The following LPIN2 variants were observed in gnomAD, a reference collection of about 807,000 sequenced individuals.
LPIN2 encodes lipin 2, also known as phosphatidate phosphatase LPIN2.
Under a neutral mutation model 111.4 loss-of-function variants are expected in LPIN2, and 55 were observed. The ratio of observed to expected loss-of-function variants is 0.49; its 90% CI spans 0.40 to 0.62. The LOEUF is 0.62. Among genes scored for constraint, LPIN2 ranks in the 20% least tolerant of loss-of-function variants. The probability of loss-of-function intolerance (pLI) is 0.00; values close to 1 mark genes in which losing one functional copy is unlikely to be tolerated. For synonymous variants in LPIN2, 425 were observed against 414.0 expected (o/e 1.03, Z -0.32); for missense variants, 992 against 1,112.1 (o/e 0.89, Z 1.54).
chr18:2,976,760 A>G (rs544192481), intron 1 of LPIN2, among the ~76,000 whole-genome samples: 3 of 152,364 alleles, frequency 2.0e-5, no homozygotes, highest in Non-Finnish European at 2.9e-5. Flanking sequence ...TCTTTTTAGT[A>G]TAAGAAGAAA....
intron 4 of LPIN2, among the ~76,000 whole-genome samples, chr18:2,947,723 G>T (rs1290128366): frequency 6.6e-6 from 1 of 152,210 alleles, no homozygotes; most frequent in Admixed American, 6.5e-5. Flanking sequence ...TTTTCTAAGT[G>T]GTAGGAGCTG....
intron 1 of LPIN2, among the ~76,000 whole-genome samples, chr18:2,975,612 G>A (rs921258151): frequency 2.0e-5 from 3 of 152,120 alleles, no homozygotes; most frequent in African/African-American, 7.2e-5. Context: ...GGGATTCCAC[G>A]CCTAGCCAAG....
At chr18:2,920,956 C>CTG in intron 18 of LPIN2, 75 bp from the exon 19 acceptor site, 8 of 983,358 alleles carry the variant, frequency 8.1e-6, no homozygotes, top group Non-Finnish European at 1.3e-5. Context: ...CCTTGTGAGC[C>CTG]AGAAGCACTG....
chr18:2,937,568 AAAAG>A, intron 7 of LPIN2, 120 bp downstream of exon 7: 47 of 722,288 alleles, frequency 6.5e-5, no homozygotes, highest in African/African-American at 6.2e-4. Context: ...AAAAAAAAAA[AAAAG>A]TGCGACGGGT....
At position 2,934,455 on chromosome 18, in the gene LPIN2, T is replaced by A; in HGVS notation, c.1169-5A>T. On this transcript the variant is annotated splice_region_variant and splice_polypyrimidine_tract_variant and intron_variant, in intron 7 of 19. Coordinates refer to ENST00000677752, the MANE Select transcript of LPIN2 (RefSeq NM_001375808.2). ...GTTGGCTTCTTTTGTGAACACCTGT[T>A]TAAAAAAAAAATCAGAGGTAAGAAT... 6.3e-7 allele frequency: 1 copy of A among 1,593,104 alleles called. No individual in the cohort carries two copies. Among genetic ancestry groups the A allele is most frequent in the Non-Finnish European group, 8.6e-7 (1 of 1,161,378 alleles).
intron 1 of LPIN2, among the ~76,000 whole-genome samples, chr18:2,981,515 A>G (rs59302194): frequency 0.25 from 38,720 of 152,166 alleles, 5,042 homozygotes; most frequent in South Asian, 0.29. Flanking sequence ...GGGAGAGTTT[A>G]TGTGTGTTAG....
Position 2,925,351 on chromosome 18 carries a change from G to T in LPIN2, c.1811C>A (p.Ser604Tyr). 1 of 1,614,184 alleles carries T rather than the reference G, an allele frequency of 6.2e-7. No homozygotes were observed. The highest frequency in any genetic ancestry group is 8.5e-7 in the Non-Finnish European group (1 of 1,180,024). ...PAGARPAEND[S>Y]SSDEGSQELE... ...CTCCTGTGATCCCTCGTCACTCGAG[G>T]AGTCATTCTCGGCCGGCCTGTTCAA... Residue 604 changes from serine to tyrosine, a missense_variant, in exon 14 of 20, where the codon TCC becomes TAC. Transcript: ENST00000677752. This position sits in a 1 kb window ranked among gnomAD's most constrained non-coding sequence, Gnocchi z 4.1.
intron 2 of LPIN2, 105 bp from the exon 3 acceptor site, chr18:2,954,704 G>A (rs1008019134): frequency 1.2e-6 from 1 of 850,412 alleles, no homozygotes. Context: ...TAGTTTTGAG[G>A]TTCCTAGAAC....
intron 1 of LPIN2, among the ~76,000 whole-genome samples, chr18:2,984,279 G>A (rs548190525): frequency 1.3e-5 from 2 of 152,214 alleles, no homozygotes; most frequent in Admixed American, 6.5e-5. Flanking sequence ...GCATAGTATC[G>A]TGGACCTGCA....
At chr18:3,004,332 T>A (rs1231738404) in intron 1 of LPIN2, among the ~76,000 whole-genome samples, 4 of 152,182 alleles carry the variant, frequency 2.6e-5, no homozygotes, top group Non-Finnish European at 4.4e-5. Context: ...CTCGGGGTCA[T>A]CATTACGGTC....
chr18:2,994,964 T>C (rs1053671064), intron 1 of LPIN2, among the ~76,000 whole-genome samples: 1 of 152,188 alleles, frequency 6.6e-6, no homozygotes, highest in Non-Finnish European at 1.5e-5. Flanking sequence ...ACAGGGAGTT[T>C]TATACCACAG....
rs371269723 is a variant in LPIN2 at position 2,927,815 on chromosome 18, A to G, written c.1621-4T>C. 11 of 1,614,028 alleles carry G rather than the reference A, an allele frequency of 6.8e-6. No individual in the cohort carries two copies. Among genetic ancestry groups the G allele is most frequent in the Non-Finnish European group, 9.3e-6 (11 of 1,179,880 alleles). ...TCACCCAGGACTCAACTGTGGCCTG[A>G]AAACAACCAACCTGGGTTAGTCTGG... On this transcript the variant is annotated splice_polypyrimidine_tract_variant and splice_region_variant and intron_variant, in intron 11 of 19. Coordinates refer to ENST00000677752, the MANE Select transcript of LPIN2 (RefSeq NM_001375808.2).
intron 3 of LPIN2, 110 bp from the exon 4 acceptor site, chr18:2,951,466 C>G (rs1686627281): frequency 1.2e-6 from 1 of 806,796 alleles, no homozygotes; most frequent in African/African-American, 1.8e-5. Flanking sequence ...AAAAAAAATA[C>G]ATATTCCCTA....
intron 1 of LPIN2, among the ~76,000 whole-genome samples, chr18:2,996,409 CA>C (rs2078342743): frequency 6.6e-6 from 1 of 151,458 alleles, no homozygotes; most frequent in Non-Finnish European, 1.5e-5. Context: ...TCCATTTCAA[CA>C]GGCATGGTGA....
chr18:2,940,537 T>A, intron 5 of LPIN2, 68 bp downstream of exon 5: 1 of 922,280 alleles, frequency 1.1e-6, no homozygotes, highest in Non-Finnish European at 1.8e-6. Context: ...TACTACAGAT[T>A]AACAGAAAAG....
At chr18:2,932,469 A>C (rs948927585) in intron 8 of LPIN2, among the ~76,000 whole-genome samples, 1 of 152,178 alleles carries the variant, frequency 6.6e-6, no homozygotes, top group Admixed American at 6.5e-5. Flanking sequence ...AGGTTTTTGG[A>C]TATTTTTTCC....
At chr18:2,977,345 C>T (rs1005078629) in intron 1 of LPIN2, among the ~76,000 whole-genome samples, 1 of 152,112 alleles carries the variant, frequency 6.6e-6, no homozygotes, top group Non-Finnish European at 1.5e-5. Context: ...TAACTAGATG[C>T]ACAAGCACTG....
Position 2,962,752 on chromosome 18 carries a change from T to A in LPIN2, c.-9-1903A>T, listed in dbSNP as rs375213049. On this transcript the variant is annotated intron_variant, in intron 1 of 19. Transcript: ENST00000677752. The stretch of plus-strand genomic sequence containing the variant: ...TGGCACACACATGAATTAAACAGCA[T>A]CCAAGCAGTCAATCTTGGTATTACT... Among the ~76,000 whole-genome samples, 528 of 152,240 alleles carry A rather than the reference T, an allele frequency of 3.5e-3. 3 individuals are homozygous for A. Among genetic ancestry groups the A allele is most frequent in the Non-Finnish European group, 5.5e-3 (372 of 68,014 alleles).
At chr18:2,984,746 G>C (rs937920826) in intron 1 of LPIN2, among the ~76,000 whole-genome samples, 1 of 152,096 alleles carries the variant, frequency 6.6e-6, no homozygotes, top group Non-Finnish European at 1.5e-5. Context: ...CCCAGAAAGA[G>C]GTCAGGCAAT....
Sources: allele counts gnomAD v4.1 joint callset (sites outside exome capture counted in the v4.1 genomes callset), GRCh38; gene constraint gnomAD v4.1.1; non-coding constraint Gnocchi (gnomAD v3.1); transcripts MANE v1.5; gene names NCBI Gene and HGNC (gene_info 2026-07-23, HGNC 2026-07-21).